Variants in ZNF254 observed in about 807,000 individuals in gnomAD.
ZNF254 encodes zinc finger protein 254, also known as CTD-2017D11.1.
In ZNF254, 10 loss-of-function variants were observed where a neutral mutation model predicts 12.4. That is an observed-to-expected ratio of 0.80 (90% confidence interval 0.50 to 1.36). The LOEUF is 1.36. Among genes scored for constraint, ZNF254 ranks in the 40% most tolerant of loss-of-function variants. The pLI, the probability that ZNF254 is intolerant of heterozygous loss-of-function variation, is 0.00. For missense variants in ZNF254, 996 were observed against 763.9 expected (o/e 1.30, Z -3.58); for synonymous variants, 305 against 253.4 (o/e 1.20, Z -1.93).
chr19:24,078,174 A>G (rs959429997), intron 2 of ZNF254, among the ~76,000 whole-genome samples: 3 of 152,180 alleles, frequency 2.0e-5, no homozygotes, highest in Non-Finnish European at 4.4e-5. Flanking sequence ...CATAGTTGGA[A>G]TTACAGGCAC....
chr19:24,097,019 A>G (rs1168039994), intron 1 of ZNF254, among the ~76,000 whole-genome samples: 2 of 152,228 alleles, frequency 1.3e-5, no homozygotes, highest in African/African-American at 4.8e-5. Flanking sequence ...AAGAGAAAAT[A>G]TCTTACTAAA....
intron 3 of ZNF254, among the ~76,000 whole-genome samples, chr19:24,125,021 G>T (rs1380908570): frequency 6.6e-6 from 1 of 152,032 alleles, no homozygotes; most frequent in African/African-American, 2.4e-5. Flanking sequence ...CTGACCTCAG[G>T]TGATCGGCCC....
chr19:24,116,888 C>T, intron 3 of ZNF254, among the ~76,000 whole-genome samples: 1 of 152,122 alleles, frequency 6.6e-6, no homozygotes. Context: ...GATGTCCTTT[C>T]TGTTTGTTAG....
chr19:24,113,806 C>G (rs1220109951), intron 3 of ZNF254, among the ~76,000 whole-genome samples: 4 of 152,190 alleles, frequency 2.6e-5, no homozygotes, highest in Non-Finnish European at 5.9e-5. Flanking sequence ...AACCCAAAAT[C>G]TCCTTAAGCT....
At chr19:24,122,306 C>T (rs1398018914) in intron 3 of ZNF254, among the ~76,000 whole-genome samples, 3 of 151,998 alleles carry the variant, frequency 2.0e-5, no homozygotes, top group African/African-American at 4.8e-5. Flanking sequence ...CTCAGTGCAA[C>T]CTCCACCTCC....
chr19:24,068,962 C>G (rs752796925), intron 2 of ZNF254, among the ~76,000 whole-genome samples: 1 of 152,098 alleles, frequency 6.6e-6, no homozygotes, highest in Non-Finnish European at 1.5e-5. Context: ...TCGGGTGGCA[C>G]AGAGAGTGTC....
intron 3 of ZNF254, among the ~76,000 whole-genome samples, chr19:24,123,727 A>T (rs1478699827): frequency 6.6e-6 from 1 of 152,118 alleles, no homozygotes; most frequent in Non-Finnish European, 1.5e-5. Flanking sequence ...TTAAATTTAA[A>T]GTACATTTTA....
chr19:24,055,520 A>T (rs58837337), intron 2 of ZNF254, among the ~76,000 whole-genome samples: 142 of 151,994 alleles, frequency 9.3e-4, no homozygotes, highest in African/African-American at 3.3e-3. Context: ...CTCGTGATCC[A>T]CCTGCATCAG....
At chr19:24,074,133 G>A (rs575030281) in intron 2 of ZNF254, among the ~76,000 whole-genome samples, 1 of 152,166 alleles carries the variant, frequency 6.6e-6, no homozygotes, top group African/African-American at 2.4e-5. Flanking sequence ...ATTGCTATGT[G>A]CAGCATCCAG....
rs1259276370 is a variant in ZNF254 at position 24,106,062 on chromosome 19, C to T, written c.153C>T (p.Phe51=). ...TAGAGAACTACAGAAACCTGGCCTTCCTGGGTGAGGATAACTTTAATACAA... is the reference window on the plus strand; with the variant it reads ...TAGAGAACTACAGAAACCTGGCCTTTCTGGGTGAGGATAACTTTAATACAA... ...VMLENYRNLA[F]LGIAVSKPDL... Residue 51 remains phenylalanine, a synonymous_variant, in exon 2 of 4, where the codon TTC becomes TTT. Coordinates refer to ENST00000357002, the MANE Select transcript of ZNF254 (RefSeq NM_203282.4). 1.3e-6 allele frequency: 2 copies of T among 1,588,664 alleles called. No individual in the cohort carries two copies. The highest frequency in any genetic ancestry group is 1.7e-6 in the Non-Finnish European group (2 of 1,166,478).
At chr19:24,049,212 A>ATG in intron 2 of ZNF254, among the ~76,000 whole-genome samples, 1 of 42,218 alleles carries the variant, frequency 2.4e-5, no homozygotes, top group Non-Finnish European at 4.9e-5. Flanking sequence ...ATATATATAT[A>ATG]TATTTTTTTT....
At chr19:24,094,203 GT>G (rs919388976) in intron 1 of ZNF254, among the ~76,000 whole-genome samples, 1 of 152,170 alleles carries the variant, frequency 6.6e-6, no homozygotes, top group African/African-American at 2.4e-5. Flanking sequence ...GGAGAATTAT[GT>G]TGTCTGCAAA....
At chr19:24,076,687 G>A (rs905446714) in intron 2 of ZNF254, among the ~76,000 whole-genome samples, 2 of 152,120 alleles carry the variant, frequency 1.3e-5, no homozygotes, top group Non-Finnish European at 2.9e-5. Flanking sequence ...CCTAGGATGG[G>A]CTATTCTGAA....
At chr19:24,084,213 C>G (rs1427894786), upstream of ZNF254, among the ~76,000 whole-genome samples, 2 of 147,926 alleles carry the variant, frequency 1.4e-5, no homozygotes, top group Non-Finnish European at 3.0e-5. Flanking sequence ...CCAATGAATG[C>G]TACTCAATCA....
intron 1 of ZNF254, among the ~76,000 whole-genome samples, chr19:24,093,643 A>T (rs1972518837): frequency 6.6e-6 from 1 of 152,152 alleles, no homozygotes; most frequent in South Asian, 2.1e-4. Context: ...GCATTGGTCT[A>T]TGAGTTTGTT....
At position 24,107,042 on chromosome 19, in the gene ZNF254, T is replaced by C. The variant is rs573732845; in HGVS notation, c.253+399T>C. ...AATGTGTGAGAGTAGTAGTTTCTGT[T>C]ATATTGGGTTTTTTCTTTTTGGTTT... On this transcript the variant is annotated intron_variant, in intron 3 of 3. Coordinates refer to ENST00000357002, the MANE Select transcript of ZNF254 (RefSeq NM_203282.4). The C allele has an allele frequency of 1.3e-5, 6 of 450,792 alleles. No individual in the cohort carries two copies. In the East Asian group the frequency reaches 2.1e-4, roughly 16 times the overall value. 27.9% of individuals were successfully genotyped at this position (450,792 alleles called of 1,614,324 possible). A position where few individuals can be genotyped will look rare whatever the true frequency, so the allele number is the denominator to read the frequency against.
intron 2 of ZNF254, among the ~76,000 whole-genome samples, chr19:24,055,173 A>AGCCTGGGT (rs1970794032): frequency 8.4e-6 from 1 of 118,676 alleles, no homozygotes; most frequent in South Asian, 3.2e-4. Context: ...ACTGTACTCC[A>AGCCTGGGT]GCCTGGGTGA....
rs1972557563 is a variant in ZNF254 at position 24,094,385 on chromosome 19, T to C, written c.30+7048T>C. ...AAGTGATTCTCTTGCCTCAGCCTCCTGAGTAGCTGGGATTACAGGCATCCG... is the reference window on the plus strand; with the variant it reads ...AAGTGATTCTCTTGCCTCAGCCTCCCGAGTAGCTGGGATTACAGGCATCCG... On this transcript the variant is annotated intron_variant, in intron 1 of 3. Transcript: ENST00000357002. 2.6e-5 allele frequency among the ~76,000 whole-genome samples: 4 copies of C among 152,054 alleles called. 1 individual carries two copies. In the South Asian group the frequency reaches 8.3e-4, roughly 32 times the overall value.
At chr19:24,071,069 A>C (rs1402288637) in intron 2 of ZNF254, among the ~76,000 whole-genome samples, 1 of 152,038 alleles carries the variant, frequency 6.6e-6, no homozygotes, top group Non-Finnish European at 1.5e-5. Context: ...TTTAATAGGC[A>C]AGAAGGAAGG....
Sources: allele counts gnomAD v4.1 joint callset (sites outside exome capture counted in the v4.1 genomes callset), GRCh38; gene constraint gnomAD v4.1.1; transcripts MANE v1.5; gene names NCBI Gene and HGNC (gene_info 2026-07-23, HGNC 2026-07-21).